ARHGAP26: variants seen among roughly 807,000 people sequenced by gnomAD.
The protein encoded by ARHGAP26 is Rho GTPase activating protein 26, also known as rho GTPase-activating protein 26.
ARHGAP26 carries 38 observed loss-of-function variants against 104.8 expected under a neutral mutation model. The ratio of observed to expected loss-of-function variants is 0.36; its 90% CI spans 0.28 to 0.48. The LOEUF (loss-of-function observed/expected upper bound fraction) is 0.48, where lower values mean the gene tolerates loss of function less well. Ranked by LOEUF, ARHGAP26 falls within the 20% of genes least tolerant of loss-of-function variation. The probability of loss-of-function intolerance (pLI) is 0.99; values close to 1 mark genes in which losing one functional copy is unlikely to be tolerated. For missense variants in ARHGAP26, 704 were observed against 947.9 expected (o/e 0.74, Z 3.38); for synonymous variants, 341 against 340.0 (o/e 1.00, Z -0.03).
chr5:143,182,196 TTACTACTGTTAACTCATCTCAGC>T lies in ARHGAP26; in HGVS notation c.1989-24996_1989-24974del, dbSNP rs552302732. Among the ~76,000 whole-genome samples the T allele has an allele frequency of 3.4e-3, 513 of 152,320 alleles. 2 individuals carry two copies. The highest frequency in any genetic ancestry group is 0.012 in the African/African-American group (498 of 41,552). The stretch of plus-strand genomic sequence containing the variant: ...TAAGAGTTGACAACTCTTACTACTC[TTACTACTGTTAACTCATCTCAGC>T]TACTATTCTGGAGGAACACAAAGCA... On this transcript the variant is annotated intron_variant, in intron 20 of 22. Transcript: ENST00000645722.
intron 20 of ARHGAP26, chr5:143,173,138 C>T (rs1803008422): frequency 5.9e-6 from 1 of 168,674 alleles, no homozygotes; most frequent in Non-Finnish European, 1.3e-5. Context: ...TGAGCCTCAC[C>T]CTCTGGGCTG....
In ARHGAP26 at chr5:142,894,263, G is replaced by A. The variant is rs536190276; in HGVS notation, c.512G>A (p.Arg171Gln). 6.2e-6 allele frequency: 10 copies of A among 1,613,844 alleles called. No individual in the cohort carries two copies. Among genetic ancestry groups the A allele is most frequent in the South Asian group, 3.3e-5 (3 of 91,054 alleles). ...QEADSQVDLV[R>Q]QHFYEVSLEY... ...GCAGACAGCCAAGTGGACCTGGTCC[G>A]GCAGCATTTCTATGAAGTATCCCTG... Residue 171 changes from arginine (R) to glutamine (Q), a missense_variant, in exon 6 of 23, where the codon CGG becomes CAG. Coordinates refer to ENST00000645722, the MANE Select transcript of ARHGAP26 (RefSeq NM_001135608.3).
intron 11 of ARHGAP26, among the ~76,000 whole-genome samples, chr5:142,990,999 G>A (rs541262127): frequency 6.2e-4 from 95 of 152,360 alleles, no homozygotes; most frequent in South Asian, 1.2e-3. Flanking sequence ...CTGTCAGATA[G>A]GGATGTTTAA....
chr5:143,053,065 A>G (rs1385246252), intron 14 of ARHGAP26, among the ~76,000 whole-genome samples: 2 of 152,166 alleles, frequency 1.3e-5, no homozygotes, highest in Non-Finnish European at 2.9e-5. Context: ...TTCAGGATCC[A>G]CCATTTCTGC....
chr5:143,203,688 A>G (rs1484161550), intron 20 of ARHGAP26: 2 of 152,240 alleles, frequency 1.3e-5, no homozygotes, highest in East Asian at 1.9e-4. Context: ...CCCATCAGTG[A>G]TAGACTGGAT....
chr5:143,002,875 C>T (rs1282409347), intron 11 of ARHGAP26, among the ~76,000 whole-genome samples: 2 of 152,190 alleles, frequency 1.3e-5, no homozygotes, highest in African/African-American at 4.8e-5. Flanking sequence ...GCAGCATTTC[C>T]TCCTCTTGTT....
chr5:143,129,699 AATAATCCATGTAG>A (rs1797113940), intron 18 of ARHGAP26, among the ~76,000 whole-genome samples: 1 of 152,200 alleles, frequency 6.6e-6, no homozygotes. Flanking sequence ...TTGTGAGTAA[AATAATCCATGTAG>A]ATAATCCATG....
At chr5:142,941,990 T>G (rs1223499373) in intron 11 of ARHGAP26, among the ~76,000 whole-genome samples, 2 of 152,092 alleles carry the variant, frequency 1.3e-5, no homozygotes, top group Non-Finnish European at 2.9e-5. Flanking sequence ...TGAGGATCGG[T>G]CACATTAACA....
At chr5:143,029,929 C>T (rs1781622350) in intron 12 of ARHGAP26, among the ~76,000 whole-genome samples, 1 of 152,128 alleles carries the variant, frequency 6.6e-6, no homozygotes, top group African/African-American at 2.4e-5. Flanking sequence ...TAGCTCCTCT[C>T]CTTTGGATGA....
intron 20 of ARHGAP26, among the ~76,000 whole-genome samples, chr5:143,159,219 C>T (rs1800890482): frequency 6.6e-6 from 1 of 152,204 alleles, no homozygotes; most frequent in Admixed American, 6.5e-5. Context: ...CCCTGCTAGT[C>T]TAAAGAGCTC....
At chr5:142,779,446 T>A (rs1757047092) in intron 1 of ARHGAP26, among the ~76,000 whole-genome samples, 1 of 151,554 alleles carries the variant, frequency 6.6e-6, no homozygotes, top group Non-Finnish European at 1.5e-5. Context: ...TGTGTGTGTG[T>A]TTTCTTTGCC....
chr5:143,134,729 A>G (rs959225247), intron 19 of ARHGAP26, among the ~76,000 whole-genome samples: 8 of 152,256 alleles, frequency 5.3e-5, no homozygotes, highest in African/African-American at 1.7e-4. Flanking sequence ...TGCAATGATC[A>G]GGTACTGACC....
At chr5:142,775,655 C>G (rs115455783) in intron 1 of ARHGAP26, among the ~76,000 whole-genome samples, 1 of 152,190 alleles carries the variant, frequency 6.6e-6, no homozygotes, top group Non-Finnish European at 1.5e-5. Context: ...TCCCCCAACC[C>G]TAGTAACCTC....
At chr5:143,216,235 T>A (rs532041418) in intron 22 of ARHGAP26, 25 of 471,324 alleles carry the variant, frequency 5.3e-5, no homozygotes, top group African/African-American at 4.4e-4. Flanking sequence ...ACACCGAAGC[T>A]CCGGGCACCT....
chr5:142,979,661 G>C (rs894063706), intron 11 of ARHGAP26, among the ~76,000 whole-genome samples: 5 of 152,230 alleles, frequency 3.3e-5, no homozygotes, highest in Admixed American at 3.3e-4. Flanking sequence ...AAATGCAGAA[G>C]TGGAGGCCCC....
chr5:143,196,864 C>T (rs1261113561), intron 20 of ARHGAP26, among the ~76,000 whole-genome samples: 2 of 152,150 alleles, frequency 1.3e-5, no homozygotes, highest in African/African-American at 2.4e-5. Flanking sequence ...CACATGTCCT[C>T]GGATGACCTC....
intron 11 of ARHGAP26, among the ~76,000 whole-genome samples, chr5:143,013,693 T>C (rs185150829): frequency 4.5e-4 from 68 of 152,342 alleles, no homozygotes; most frequent in African/African-American, 1.6e-3. Context: ...AACAGAATTG[T>C]CATGTTGATG....
chr5:142,982,997 C>T (rs1190622154), intron 11 of ARHGAP26, among the ~76,000 whole-genome samples: 1 of 152,156 alleles, frequency 6.6e-6, no homozygotes, highest in African/African-American at 2.4e-5. Context: ...TTATTTCGTG[C>T]AGGTGACCTG....
chr5:142,920,021 C>T (rs925212767), intron 10 of ARHGAP26, among the ~76,000 whole-genome samples: 3 of 152,078 alleles, frequency 2.0e-5, no homozygotes, highest in African/African-American at 7.2e-5. Context: ...AAATAAAAAT[C>T]ACTTTTTTTA....
Sources: gnomAD v4.1 joint callset for allele counts (sites outside exome capture counted in the v4.1 genomes callset) on GRCh38, gnomAD v4.1.1 for gene constraint, MANE v1.5 for transcripts, NCBI Gene and HGNC (gene_info 2026-07-23, HGNC 2026-07-21) for gene names.